Variants in SPAG16 observed in about 807,000 individuals in gnomAD.
The protein encoded by SPAG16 is sperm associated antigen 16.
A neutral mutation model predicts 80.4 loss-of-function variants in SPAG16; 86 were observed. The observed-to-expected ratio is 1.07, with a 90% CI of 0.90 to 1.28. SPAG16 has a LOEUF of 1.28. Ranked by LOEUF, SPAG16 falls within the 50% of genes most tolerant of loss-of-function variation. The pLI is 0.00. For synonymous variants in SPAG16, 294 were observed against 265.9 expected, an observed-to-expected ratio of 1.11 and a Z score of -1.03; for missense variants, 870 against 765.3, an observed-to-expected ratio of 1.14 and a Z score of -1.61.
chr2:213,725,436 T>C (rs932026681), intron 10 of SPAG16, among the ~76,000 whole-genome samples: 1 of 152,198 alleles, frequency 6.6e-6, no homozygotes, highest in Non-Finnish European at 1.5e-5. Flanking sequence ...CATCATGGAA[T>C]GCCCATCCAT....
At chr2:213,906,965 G>A (rs2077459019) in intron 11 of SPAG16, among the ~76,000 whole-genome samples, 1 of 152,074 alleles carries the variant, frequency 6.6e-6, no homozygotes, top group South Asian at 2.1e-4. Flanking sequence ...GATTTTGTGG[G>A]TAAGACTTAA....
intron 11 of SPAG16, among the ~76,000 whole-genome samples, chr2:213,913,057 T>C (rs747299503): frequency 2.0e-5 from 3 of 152,170 alleles, no homozygotes; most frequent in Non-Finnish European, 4.4e-5. Context: ...TTATGTCACA[T>C]ACATGTATTC....
intron 15 of SPAG16, among the ~76,000 whole-genome samples, chr2:214,230,080 C>T (rs971906584): frequency 6.6e-6 from 1 of 151,824 alleles, no homozygotes; most frequent in Non-Finnish European, 1.5e-5. Context: ...CCTAAATTTT[C>T]AGTATGTGAA....
At chr2:214,392,095 A>G (rs1365961579) in intron 15 of SPAG16, among the ~76,000 whole-genome samples, 2 of 152,122 alleles carry the variant, frequency 1.3e-5, no homozygotes, top group Admixed American at 6.6e-5. Context: ...CCCAAAGAAA[A>G]TGCCTACAGA....
chr2:214,020,554 G>A (rs1352903263), intron 13 of SPAG16, among the ~76,000 whole-genome samples: 1 of 152,068 alleles, frequency 6.6e-6, no homozygotes, highest in Non-Finnish European at 1.5e-5. Flanking sequence ...TTTAATTAAT[G>A]ACTGTAATTC....
chr2:213,749,104 G>A (rs999806047), intron 10 of SPAG16, among the ~76,000 whole-genome samples: 13 of 152,168 alleles, frequency 8.5e-5, no homozygotes, highest in African/African-American at 2.9e-4. Context: ...CCGAGATCGC[G>A]CCACTGTACT....
intron 15 of SPAG16, among the ~76,000 whole-genome samples, chr2:214,215,244 C>T (rs1360722843): frequency 6.6e-6 from 1 of 151,976 alleles, no homozygotes; most frequent in Non-Finnish European, 1.5e-5. Context: ...ACTGCTTGTC[C>T]CAACTGATCA....
intron 10 of SPAG16, among the ~76,000 whole-genome samples, chr2:213,638,597 G>T (rs990976422): frequency 6.6e-6 from 1 of 152,060 alleles, no homozygotes; most frequent in African/African-American, 2.4e-5. Context: ...TCCCATTGTG[G>T]TCTGAGAGAG....
chr2:213,901,226 G>C (rs1315049285), intron 11 of SPAG16, among the ~76,000 whole-genome samples: 4 of 152,128 alleles, frequency 2.6e-5, no homozygotes, highest in Admixed American at 1.3e-4. Flanking sequence ...ATTACCAGAG[G>C]AGGGCTTCAG....
intron 10 of SPAG16, among the ~76,000 whole-genome samples, chr2:213,537,509 A>G (rs2076292211): frequency 6.6e-6 from 1 of 151,984 alleles, no homozygotes; most frequent in Admixed American, 6.6e-5. Context: ...AAGGGCTGGT[A>G]GTGGAATTCT....
intron 10 of SPAG16, among the ~76,000 whole-genome samples, chr2:213,691,128 A>G (rs141073847): frequency 3.9e-5 from 6 of 152,202 alleles, no homozygotes; most frequent in African/African-American, 1.2e-4. Context: ...GCACATTCAA[A>G]CCATAGCACT....
chr2:213,833,708 C>G (rs1322531519), intron 10 of SPAG16, among the ~76,000 whole-genome samples: 2 of 136,568 alleles, frequency 1.5e-5, no homozygotes, highest in African/African-American at 5.6e-5. Flanking sequence ...ACTGATAGAC[C>G]ACGTAAAACA....
chr2:214,139,205 C>G (rs1045039779), intron 14 of SPAG16, among the ~76,000 whole-genome samples: 8 of 151,960 alleles, frequency 5.3e-5, no homozygotes, highest in African/African-American at 1.7e-4. Flanking sequence ...TGCCAGTTGA[C>G]TTTTAAATTT....
At chr2:214,179,377 G>A (rs192749498) in intron 15 of SPAG16, among the ~76,000 whole-genome samples, 6 of 151,234 alleles carry the variant, frequency 4.0e-5, no homozygotes, top group South Asian at 4.1e-4. Flanking sequence ...AAACCCCAGC[G>A]TATATACTGC....
chr2:213,832,201 T>C (rs567919277), intron 10 of SPAG16, among the ~76,000 whole-genome samples: 15 of 151,976 alleles, frequency 9.9e-5, no homozygotes. Flanking sequence ...TTTCATCATC[T>C]TGGCCAGGCT....
intron 13 of SPAG16, among the ~76,000 whole-genome samples, chr2:214,024,604 G>T (rs553401905): frequency 6.6e-6 from 1 of 151,394 alleles, no homozygotes; most frequent in African/African-American, 2.4e-5. Flanking sequence ...AAAGATATTT[G>T]TTTATTCCTT....
chr2:214,295,767 G>T (rs886611253), intron 15 of SPAG16, among the ~76,000 whole-genome samples: 4 of 152,006 alleles, frequency 2.6e-5, no homozygotes, highest in African/African-American at 7.2e-5. Context: ...TTCCAGCCTG[G>T]GCCACAGAAC....
At chr2:213,414,057 T>C (rs1005174721) in intron 9 of SPAG16, among the ~76,000 whole-genome samples, 2 of 152,222 alleles carry the variant, frequency 1.3e-5, no homozygotes, top group Admixed American at 1.3e-4. Context: ...ATTTCATTTA[T>C]GTTTCTTCAA....
chr2:214,116,784 G>T (rs2053955215), intron 14 of SPAG16, among the ~76,000 whole-genome samples: 1 of 152,184 alleles, frequency 6.6e-6, no homozygotes. Flanking sequence ...CAGCAAACCT[G>T]GGCTGAGAGG....
Sources: allele counts gnomAD v4.1 joint callset (sites outside exome capture counted in the v4.1 genomes callset), GRCh38; gene constraint gnomAD v4.1.1; transcripts MANE v1.5; gene names NCBI Gene and HGNC (gene_info 2026-07-23, HGNC 2026-07-21).